DNAJC7: variants seen among roughly 807,000 people sequenced by gnomAD.
DNAJC7 encodes the protein dnaJ homolog subfamily C member 7.
A neutral mutation model predicts 67.4 loss-of-function variants in DNAJC7; 18 were observed. The ratio of observed to expected loss-of-function variants is 0.27; its 90% CI spans 0.18 to 0.40. The LOEUF (loss-of-function observed/expected upper bound fraction) is 0.40, where lower values mean the gene tolerates loss of function less well. Ranked by LOEUF, DNAJC7 falls within the 10% of genes least tolerant of loss-of-function variation. DNAJC7 has a pLI of 1.00. For synonymous variants in DNAJC7, 220 were observed against 207.8 expected (o/e 1.06, Z -0.50); for missense variants, 419 against 613.8 (o/e 0.68, Z 3.35).
At chr17:41,984,376 T>C (rs2051325288) in intron 9 of DNAJC7, 1 of 149,696 alleles carries the variant, frequency 6.7e-6, no homozygotes, top group African/African-American at 2.5e-5. Flanking sequence ...TGATCTCGGA[T>C]CACTGCAAGC....
In DNAJC7 at chr17:42,017,436, A is replaced by C. The variant is rs782527771; in HGVS notation, c.-20T>G. The C allele has an allele frequency of 5.0e-6, 8 of 1,604,522 alleles. No homozygotes were observed. The highest frequency in any genetic ancestry group is 6.8e-6 in the Non-Finnish European group (8 of 1,179,806). On this transcript the variant is annotated 5_prime_UTR_variant, in exon 1 of 14. Coordinates refer to ENST00000457167, the MANE Select transcript of DNAJC7 (RefSeq NM_003315.4). ...CGCCATCTTACCGCCGGGACCAGAG[A>C]GCTGGGTGGGAGGCCGGCGGTGAAG...
chr17:41,998,946 G>A (rs782564471), intron 2 of DNAJC7, among the ~76,000 whole-genome samples: 11 of 152,078 alleles, frequency 7.2e-5, no homozygotes, highest in Non-Finnish European at 1.0e-4. Flanking sequence ...AGCACTTTGG[G>A]AGGCCAAGGT....
intron 9 of DNAJC7, among the ~76,000 whole-genome samples, chr17:41,987,093 C>T (rs1272496915): frequency 1.3e-5 from 2 of 152,134 alleles, no homozygotes; most frequent in East Asian, 3.8e-4. Flanking sequence ...AAAGATTTCT[C>T]CTAGCCCTGT....
intron 9 of DNAJC7, chr17:41,985,712 G>C (rs1261839913): frequency 4.6e-5 from 7 of 152,330 alleles, no homozygotes; most frequent in Middle Eastern, 3.4e-3. Flanking sequence ...CCCAGCTTTA[G>C]GGGTAAGTTG....
chr17:41,993,331 C>G (rs185666759), intron 5 of DNAJC7, among the ~76,000 whole-genome samples: 1 of 152,056 alleles, frequency 6.6e-6, no homozygotes, highest in African/African-American at 2.4e-5. Context: ...TGGTGGTGGC[C>G]GCCTGTAGTC....
chr17:41,979,637 A>AC (rs1217500896), intron 12 of DNAJC7, among the ~76,000 whole-genome samples: 1 of 113,864 alleles, frequency 8.8e-6, no homozygotes, highest in Non-Finnish European at 1.7e-5. Flanking sequence ...GCACTACTGC[A>AC]CCCAGACTGG....
chr17:42,008,617 A>C (rs986182668), intron 1 of DNAJC7, among the ~76,000 whole-genome samples: 2 of 152,136 alleles, frequency 1.3e-5, no homozygotes, highest in Admixed American at 1.3e-4. Context: ...TCACCGTGTT[A>C]GCCAGGATGG....
intron 3 of DNAJC7, 114 bp downstream of exon 3, chr17:41,997,001 A>G: frequency 6.6e-7 from 1 of 1,521,148 alleles, no homozygotes; most frequent in Non-Finnish European, 8.9e-7. Context: ...GTCCCCCACA[A>G]CAAAGAATAA....
At chr17:42,006,185 C>A (rs1357288300) in intron 1 of DNAJC7, among the ~76,000 whole-genome samples, 1 of 147,346 alleles carries the variant, frequency 6.8e-6, no homozygotes, top group Non-Finnish European at 1.5e-5. Flanking sequence ...ACCTCTGTCA[C>A]CTCTGTTACC....
intron 1 of DNAJC7, among the ~76,000 whole-genome samples, chr17:42,002,452 C>A (rs1555649599): frequency 1.3e-5 from 2 of 152,180 alleles, no homozygotes; most frequent in East Asian, 1.9e-4. Context: ...TAAGACACTA[C>A]CCCTATGGAG....
chr17:41,985,297 G>A (rs547793316), intron 9 of DNAJC7: 76 of 151,984 alleles, frequency 5.0e-4, no homozygotes, highest in African/African-American at 1.7e-3. Context: ...GCAAATACAG[G>A]ACATAAATAT....
chr17:42,000,316 G>T (rs545699371), intron 2 of DNAJC7, among the ~76,000 whole-genome samples, 166 bp downstream of exon 2: 1 of 151,046 alleles, frequency 6.6e-6, no homozygotes, highest in East Asian at 1.9e-4. Context: ...ACGGGGTTTC[G>T]TCATGTTGGC....
intron 2 of DNAJC7, among the ~76,000 whole-genome samples, chr17:41,998,888 T>C (rs1177088567): frequency 6.6e-6 from 1 of 152,112 alleles, no homozygotes; most frequent in Non-Finnish European, 1.5e-5. Context: ...CCACCCCAGT[T>C]AGAAGAAGTT....
chr17:42,017,139 G>A (rs2052323160), intron 1 of DNAJC7: 2 of 1,478,178 alleles, frequency 1.4e-6, no homozygotes, highest in Admixed American at 2.3e-5. Flanking sequence ...CAGCTCCTAC[G>A]CCAGGCGGAA....
chr17:41,985,420 A>G (rs1371941256), intron 9 of DNAJC7: 1 of 83,564 alleles, frequency 1.2e-5, no homozygotes, highest in Non-Finnish European at 2.4e-5. Context: ...ATCCTGAATT[A>G]AAAAAAAAAA....
chr17:42,012,041 G>C (rs2052132311), intron 1 of DNAJC7, among the ~76,000 whole-genome samples: 1 of 152,188 alleles, frequency 6.6e-6, no homozygotes, highest in Non-Finnish European at 1.5e-5. Context: ...GTGCCCATCA[G>C]GAAAACATAC....
At chr17:42,002,465 CG>C (rs1237358210) in intron 1 of DNAJC7, among the ~76,000 whole-genome samples, 2 of 152,106 alleles carry the variant, frequency 1.3e-5, no homozygotes, top group Admixed American at 1.3e-4. Context: ...CTATGGAGGT[CG>C]GGGAGTTCAG....
chr17:41,993,403 G>C (rs1555648051), intron 5 of DNAJC7, among the ~76,000 whole-genome samples: 1 of 152,152 alleles, frequency 6.6e-6, no homozygotes, highest in Non-Finnish European at 1.5e-5. Flanking sequence ...AGCTTGCAGT[G>C]AGCCGAGATC....
At position 41,996,348 on chromosome 17, in the gene DNAJC7, A is replaced by G; in HGVS notation, c.368T>C (p.Leu123Pro). Residue 123 changes from leucine (L) to proline (P), a missense_variant, in exon 4 of 14, where the codon CTA becomes CCA. Physicochemically the swap from Leu to Pro is moderately conservative, Grantham distance 98 (BLOSUM62 -3). This residue lies in a region of DNAJC7 where 179 missense variants were observed against 249.7 expected (regional missense o/e 0.72). Coordinates refer to ENST00000457167, the MANE Select transcript of DNAJC7 (RefSeq NM_003315.4). ...MAACRSFQRALELDHKNAQAQ... is the reference protein window; with the variant it reads ...MAACRSFQRAPELDHKNAQAQ... ...CTGAGCATTTTTATGATCCAGTTCT[A>G]GGGCTCTCTGGAAGCTGCGACATGC... The G allele has an allele frequency of 6.2e-7, 1 of 1,613,990 alleles. No homozygotes were observed. The highest frequency in any genetic ancestry group is 8.5e-7 in the Non-Finnish European group (1 of 1,179,876).
Sources: allele counts gnomAD v4.1 joint callset (sites outside exome capture counted in the v4.1 genomes callset), GRCh38; gene constraint gnomAD v4.1.1; regional missense constraint gnomAD v4.1.1; transcripts MANE v1.5; gene names NCBI Gene and HGNC (gene_info 2026-07-23, HGNC 2026-07-21).